LHFPL3: variants seen among roughly 807,000 people sequenced by gnomAD.
The protein encoded by LHFPL3 is LHFPL tetraspan subfamily member 3 protein.
In LHFPL3, 5 loss-of-function variants were observed where a neutral mutation model predicts 19.3. The ratio of observed to expected loss-of-function variants is 0.26; its 90% CI spans 0.14 to 0.54. The LOEUF is 0.54. LHFPL3 is among the 20% of genes least tolerant of loss of function. LHFPL3 has a pLI of 0.94. For synonymous variants in LHFPL3, 133 were observed against 126.2 expected, an observed-to-expected ratio of 1.05 and a Z score of -0.36; for missense variants, 249 against 307.4, an observed-to-expected ratio of 0.81 and a Z score of 1.42.
At chr7:104,893,332 G>A (rs1792290085) in intron 2 of LHFPL3, among the ~76,000 whole-genome samples, 1 of 151,876 alleles carries the variant, frequency 6.6e-6, no homozygotes, top group Admixed American at 6.6e-5. Flanking sequence ...TGGCCAAAAT[G>A]GTGAAACTTC....
chr7:104,834,239 T>C (rs199969774), intron 2 of LHFPL3, among the ~76,000 whole-genome samples: 3 of 151,596 alleles, frequency 2.0e-5, no homozygotes, highest in African/African-American at 7.3e-5. Context: ...ACTTTGCATC[T>C]TTCAATCCAA....
At position 104,440,582 on chromosome 7, in the gene LHFPL3, A is replaced by T. The variant is rs145177614; in HGVS notation, c.445+111358A>T. Among the ~76,000 whole-genome samples the T allele has an allele frequency of 4.8e-3, 729 of 152,230 alleles. 3 individuals carry two copies. Among genetic ancestry groups the T allele is most frequent in the African/African-American group, 0.015 (611 of 41,520 alleles). On this transcript the variant is annotated intron_variant, in intron 1 of 2. Transcript: ENST00000424859. ...GTATAATAAAACATATATATATATA[A>T]AAATACAAAGCTATAAACTCATCAT...
chr7:104,584,162 C>A (rs1011294607), intron 1 of LHFPL3, among the ~76,000 whole-genome samples: 1 of 152,066 alleles, frequency 6.6e-6, no homozygotes, highest in African/African-American at 2.4e-5. Flanking sequence ...TTTGTAGGGA[C>A]ATGGATGAAG....
chr7:104,684,045 T>C (rs1173271980), intron 1 of LHFPL3, among the ~76,000 whole-genome samples: 1 of 152,262 alleles, frequency 6.6e-6, no homozygotes, highest in African/African-American at 2.4e-5. Context: ...AATTAGTTTC[T>C]GGAACATACA....
intron 2 of LHFPL3, among the ~76,000 whole-genome samples, chr7:104,767,876 A>T (rs759431019): frequency 6.6e-6 from 1 of 152,092 alleles, no homozygotes; most frequent in Non-Finnish European, 1.5e-5. Flanking sequence ...TCTTCATGTG[A>T]CTTGGCCTTT....
In LHFPL3 at chr7:104,408,864, C is replaced by CTTTTTTTTTTTTTTTTTT. The variant is rs561975535; in HGVS notation, c.445+79641_445+79658dup. On this transcript the variant is annotated intron_variant, in intron 1 of 2. Coordinates refer to ENST00000424859, the MANE Select transcript of LHFPL3 (RefSeq NM_199000.3). ...AGGCACTAGTGTTGTAATTTTCTTTCTTTTTTTTTTTTTTTTTTGAGACGG... is the reference window on the plus strand; with the variant it reads ...AGGCACTAGTGTTGTAATTTTCTTTCTTTTTTTTTTTTTTTTTTTTTTTTTTTTTTTTTTTTGAGACGG... Among the ~76,000 whole-genome samples, 15 of 105,434 alleles carry CTTTTTTTTTTTTTTTTTT rather than the reference C, an allele frequency of 1.4e-4. 2 individuals are homozygous for CTTTTTTTTTTTTTTTTTT. The highest frequency in any genetic ancestry group is 2.2e-4 in the African/African-American group (6 of 26,680). 69.2% of individuals were successfully genotyped at this position (105,434 alleles called of 152,430 possible).
At position 104,645,654 on chromosome 7, in the gene LHFPL3, C is replaced by CTTTTTTTT. The variant is rs869151153; in HGVS notation, c.446-91003_446-90996dup. Among the ~76,000 whole-genome samples the CTTTTTTTT allele has an allele frequency of 1.6e-4, 13 of 81,624 alleles. 1 individual carries two copies. Among genetic ancestry groups the CTTTTTTTT allele is most frequent in the South Asian group, 5.2e-4 (1 of 1,934 alleles). 53.5% of individuals were successfully genotyped at this position (81,624 alleles called of 152,430 possible). On this transcript the variant is annotated intron_variant, in intron 1 of 2. Transcript: ENST00000424859. ...TGACATATTTGCTCTATTGGGTTTT[C>CTTTTTTTT]TTTTTTTTTTTTTTTTTTTTTTTTT...
intron 1 of LHFPL3, among the ~76,000 whole-genome samples, chr7:104,644,960 C>T (rs1447599122): frequency 1.3e-5 from 2 of 152,132 alleles, no homozygotes; most frequent in Non-Finnish European, 2.9e-5. Flanking sequence ...CTCTATTACA[C>T]CACCCCACCC....
intron 1 of LHFPL3, among the ~76,000 whole-genome samples, chr7:104,534,128 G>T (rs1794352263): frequency 6.6e-6 from 1 of 152,120 alleles, no homozygotes; most frequent in Non-Finnish European, 1.5e-5. Context: ...ACGGTCTCCA[G>T]TCTCCTATTT....
At chr7:104,456,321 C>T (rs979747658) in intron 1 of LHFPL3, among the ~76,000 whole-genome samples, 2 of 152,144 alleles carry the variant, frequency 1.3e-5, no homozygotes, top group Admixed American at 1.3e-4. Flanking sequence ...GGCCGAAATG[C>T]ATACATGGAG....
At chr7:104,633,991 T>C (rs1791690001) in intron 1 of LHFPL3, among the ~76,000 whole-genome samples, 1 of 152,214 alleles carries the variant, frequency 6.6e-6, no homozygotes, top group African/African-American at 2.4e-5. Flanking sequence ...CTCTATCTAG[T>C]CACCTACGTA....
At chr7:104,667,772 G>A in intron 1 of LHFPL3, 2 of 1,597,296 alleles carry the variant, frequency 1.3e-6, no homozygotes, top group Non-Finnish European at 1.7e-6. Flanking sequence ...CAAAAAAGAA[G>A]AATAAGAAGG....
intron 1 of LHFPL3, among the ~76,000 whole-genome samples, chr7:104,427,562 A>T (rs1584312615): frequency 6.6e-6 from 1 of 152,194 alleles, no homozygotes; most frequent in South Asian, 2.1e-4. Context: ...GGCTATGTGA[A>T]TTTAAAAGAT....
chr7:104,368,859 A>C (rs536522309), intron 1 of LHFPL3, among the ~76,000 whole-genome samples: 1 of 152,348 alleles, frequency 6.6e-6, no homozygotes, highest in East Asian at 1.9e-4. Flanking sequence ...TGCTGCATAC[A>C]TATAATATTT....
At chr7:104,742,723 C>A (rs893878816) in intron 2 of LHFPL3, among the ~76,000 whole-genome samples, 6 of 152,156 alleles carry the variant, frequency 3.9e-5, no homozygotes, top group Admixed American at 3.9e-4. Context: ...TATTTCAATT[C>A]TATGGATATC....
intron 1 of LHFPL3, among the ~76,000 whole-genome samples, chr7:104,359,864 G>A (rs1790358060): frequency 1.3e-5 from 2 of 152,268 alleles, no homozygotes; most frequent in African/African-American, 4.8e-5. Flanking sequence ...TTATTTATGA[G>A]TGTGACATTG....
chr7:104,900,501 A>C (rs773175609), intron 2 of LHFPL3, among the ~76,000 whole-genome samples: 6 of 152,252 alleles, frequency 3.9e-5, no homozygotes, highest in Admixed American at 1.3e-4. Flanking sequence ...CTCACCGAAG[A>C]TCTGCATAAG....
At chr7:104,747,321 G>A (rs964729316) in intron 2 of LHFPL3, among the ~76,000 whole-genome samples, 2 of 152,188 alleles carry the variant, frequency 1.3e-5, no homozygotes, top group Admixed American at 6.5e-5. Context: ...GACAGATGAG[G>A]AACAAAGCCA....
At chr7:104,496,461 T>A (rs1271156140) in intron 1 of LHFPL3, among the ~76,000 whole-genome samples, 3 of 152,166 alleles carry the variant, frequency 2.0e-5, no homozygotes, top group African/African-American at 7.2e-5. Flanking sequence ...GCAGCATGAT[T>A]TATAATCCTT....
Sources: allele counts gnomAD v4.1 joint callset (sites outside exome capture counted in the v4.1 genomes callset), GRCh38; gene constraint gnomAD v4.1.1; transcripts MANE v1.5; gene names NCBI Gene and HGNC (gene_info 2026-07-23, HGNC 2026-07-21).